Variants in TSN observed in about 807,000 individuals in gnomAD.
TSN encodes the protein component 3 of promoter of RISC.
In TSN, 5 loss-of-function variants were observed where a neutral mutation model predicts 29.4. The observed-to-expected ratio is 0.17, with a 90% CI of 0.09 to 0.36. TSN has a LOEUF of 0.36. Among genes scored for constraint, TSN ranks in the 10% least tolerant of loss-of-function variants. The probability of loss-of-function intolerance (pLI) is 1.00; values close to 1 mark genes in which losing one functional copy is unlikely to be tolerated. For missense variants in TSN, 159 were observed against 272.8 expected, an observed-to-expected ratio of 0.58 and a Z score of 2.94; for synonymous variants, 106 against 102.2, an observed-to-expected ratio of 1.04 and a Z score of -0.23.
chr2:121,759,120 G>C (rs1338235759), intron 3 of TSN, among the ~76,000 whole-genome samples: 1 of 152,220 alleles, frequency 6.6e-6, no homozygotes, highest in Non-Finnish European at 1.5e-5. Flanking sequence ...ATGAACTATA[G>C]TTAGTGAAAT....
intron 3 of TSN, among the ~76,000 whole-genome samples, 198 bp from the exon 4 acceptor site, chr2:121,761,211 T>G (rs1008491960): frequency 3.9e-5 from 6 of 152,236 alleles, no homozygotes; most frequent in South Asian, 2.1e-4. Context: ...TATTTGTCAC[T>G]GATTAAACTT....
At chr2:121,761,799 C>G (rs2074832040) in intron 4 of TSN, among the ~76,000 whole-genome samples, 1 of 151,554 alleles carries the variant, frequency 6.6e-6, no homozygotes, top group South Asian at 2.1e-4. Context: ...CTTAAAATAT[C>G]TAATACAGTA....
intron 5 of TSN, 53 bp downstream of exon 5, chr2:121,763,137 GT>G (rs1009875344): frequency 0.086 from 43,487 of 503,762 alleles, no homozygotes; most frequent in Middle Eastern, 0.1. Flanking sequence ...TTCACTGTCA[GT>G]TTTTTTTTTT....
chr2:121,760,322 CTGTGGAAAAAT>C (rs2106454242), intron 3 of TSN, among the ~76,000 whole-genome samples: 1 of 152,304 alleles, frequency 6.6e-6, no homozygotes, highest in East Asian at 1.9e-4. Context: ...CGCCCCCCTT[CTGTGGAAAAAT>C]TGTCTTCCAT....
intron 1 of TSN, chr2:121,756,698 A>G: frequency 3.4e-6 from 4 of 1,167,234 alleles, no homozygotes; most frequent in Non-Finnish European, 4.5e-6. Flanking sequence ...TGAGGTAAGG[A>G]GTTTGAGACC....
chr2:121,756,057 A>G (rs1243809362), intron 1 of TSN: 2 of 1,020,702 alleles, frequency 2.0e-6, no homozygotes, highest in East Asian at 5.4e-5. Flanking sequence ...GCTTCTCAGC[A>G]TCACTTGCCT....
At chr2:121,761,659 T>G (rs1261865313) in intron 4 of TSN, 135 bp downstream of exon 4, 5 of 677,828 alleles carry the variant, frequency 7.4e-6, no homozygotes, top group Non-Finnish European at 1.3e-5. Context: ...GCTTGGTATC[T>G]GAGGATGATG....
Position 121,758,706 on chromosome 2 carries a change from C to A in TSN, c.161-4C>A. Reference sequence around the variant, plus strand: ...TTTTTCATTTGGTTATCTTTTGTGACTAGTTCCAAAGAGGTGTTTGAAAGC... The same window carrying A: ...TTTTTCATTTGGTTATCTTTTGTGAATAGTTCCAAAGAGGTGTTTGAAAGC... On this transcript the variant is annotated splice_polypyrimidine_tract_variant and splice_region_variant and intron_variant, in intron 2 of 5. Transcript: ENST00000389682. The A allele has an allele frequency of 6.4e-7, 1 of 1,559,670 alleles. No individual in the cohort carries two copies. The highest frequency in any genetic ancestry group is 2.3e-5 in the East Asian group (1 of 43,192).
Position 121,767,407 on chromosome 2 carries a change from C to T in TSN, c.*2040C>T, listed in dbSNP as rs777258759. ...TACTGCTGTGTAATGGTTACACTAA[C>T]CAAAAGACACCAGCCACTCAGAGTT... On this transcript the variant is annotated 3_prime_UTR_variant, in exon 6 of 6. Coordinates refer to ENST00000389682, the MANE Select transcript of TSN (RefSeq NM_004622.3). 9 of 151,974 alleles carry T rather than the reference C, an allele frequency of 5.9e-5. No individual in the cohort carries two copies. The highest frequency in any genetic ancestry group is 1.2e-4 in the Non-Finnish European group (8 of 68,016). 9.4% of individuals were successfully genotyped at this position (151,974 alleles called of 1,614,324 possible).
chr2:121,761,551 C>A, intron 4 of TSN, 27 bp downstream of exon 4: 3 of 1,519,008 alleles, frequency 2.0e-6, no homozygotes, highest in Non-Finnish European at 2.7e-6. Context: ...GTGGGATCTG[C>A]AGAATCAGGC....
chr2:121,759,428 C>T (rs759548381), intron 3 of TSN, among the ~76,000 whole-genome samples: 7 of 151,890 alleles, frequency 4.6e-5, no homozygotes, highest in South Asian at 2.1e-4. Context: ...GCTAGCATGG[C>T]GAAACCCCGT....
rs185596952 is a variant in TSN at position 121,760,319 on chromosome 2, C to G, written c.258-1090C>G. ...TTTCATCCTGAAACCATCCGCCCCC[C>G]TTCTGTGGAAAAATTGTCTTCCATG... On this transcript the variant is annotated intron_variant, in intron 3 of 5. Transcript: ENST00000389682. Among the ~76,000 whole-genome samples, 416 of 152,324 alleles carry G rather than the reference C, an allele frequency of 2.7e-3. 2 individuals are homozygous for G. The highest frequency in any genetic ancestry group is 8.4e-3 in the African/African-American group (350 of 41,590).
chr2:121,761,659 T>C, intron 4 of TSN, 135 bp downstream of exon 4: 1 of 677,946 alleles, frequency 1.5e-6, no homozygotes, highest in Non-Finnish European at 2.6e-6. Flanking sequence ...GCTTGGTATC[T>C]GAGGATGATG....
intron 3 of TSN, among the ~76,000 whole-genome samples, chr2:121,760,381 T>C (rs2074808034): frequency 6.6e-6 from 1 of 152,182 alleles, no homozygotes; most frequent in Admixed American, 6.5e-5. Flanking sequence ...CAGGGACTGC[T>C]GTTGTAATAG....
At chr2:121,758,836 ATGTT>A (rs1297917187) in intron 3 of TSN, 30 bp downstream of exon 3, 1 of 1,428,006 alleles carries the variant, frequency 7.0e-7, no homozygotes, top group Non-Finnish European at 9.4e-7. Flanking sequence ...TTATTTTATA[ATGTT>A]AAGTAAAAAA....
intron 2 of TSN, among the ~76,000 whole-genome samples, chr2:121,758,360 C>T (rs1314091552): frequency 6.6e-6 from 1 of 152,138 alleles, no homozygotes; most frequent in African/African-American, 2.4e-5. Context: ...CTTTTTTCTG[C>T]CAAATATGGG....
intron 5 of TSN, among the ~76,000 whole-genome samples, chr2:121,764,426 A>G (rs1169218993): frequency 6.6e-6 from 1 of 152,124 alleles, no homozygotes; most frequent in Non-Finnish European, 1.5e-5. Flanking sequence ...GCAACAAAGC[A>G]AGACCCCTTC....
chr2:121,756,288 G>A (rs1245594160), intron 1 of TSN: 1 of 248,408 alleles, frequency 4.0e-6, no homozygotes, highest in East Asian at 1.2e-4. Context: ...TATGCTCTCT[G>A]TCTTTGTGTA....
At position 121,761,512 on chromosome 2, in the gene TSN, G is replaced by C; in HGVS notation, c.361G>C (p.Glu121Gln). 4 of 1,613,768 alleles carry C rather than the reference G, an allele frequency of 2.5e-6. No individual in the cohort carries two copies. Among genetic ancestry groups the C allele is most frequent in the Non-Finnish European group, 3.4e-6 (4 of 1,179,644 alleles). The change falls in exon 4 of 6, where the codon GAA becomes CAA. Residue 121 changes from glutamate (E) to glutamine (Q), a missense_variant. By Grantham distance (29) the Glu-to-Gln change is conservative. Coordinates refer to ENST00000389682, the MANE Select transcript of TSN (RefSeq NM_004622.3). The stretch of plus-strand genomic sequence containing the variant: ...ACTAGTGACTCGAGAAGCAGTTACA[G>C]AAATTCTTGGCAGTAAGTGTCTTTA... ...ETLVTREAVT[E>Q]ILGIEPDREK...
Sources: allele counts gnomAD v4.1 joint callset (sites outside exome capture counted in the v4.1 genomes callset), GRCh38; gene constraint gnomAD v4.1.1; transcripts MANE v1.5; gene names NCBI Gene and HGNC (gene_info 2026-07-23, HGNC 2026-07-21).